The following PSMB2 variants were observed in gnomAD, a reference collection of about 807,000 sequenced individuals.
The protein encoded by PSMB2 is proteasome 20S subunit beta 2, also known as proteasome subunit beta type-2.
In PSMB2, 13 loss-of-function variants were observed where a neutral mutation model predicts 25.7. That is an observed-to-expected ratio of 0.51 (90% confidence interval 0.33 to 0.80). The LOEUF is 0.80. Among genes scored for constraint, PSMB2 ranks in the 30% least tolerant of loss-of-function variants. The pLI, the probability that PSMB2 is intolerant of heterozygous loss-of-function variation, is 0.02. For synonymous variants in PSMB2, 87 were observed against 96.2 expected (o/e 0.90, Z 0.56); for missense variants, 202 against 259.0 (o/e 0.78, Z 1.51).
chr1:35,630,325 A>G (rs1651053338), intron 3 of PSMB2, among the ~76,000 whole-genome samples: 1 of 152,250 alleles, frequency 6.6e-6, no homozygotes, highest in Admixed American at 6.5e-5. Flanking sequence ...TATATGATCC[A>G]GCAATCACAC....
chr1:35,615,024 G>A (rs1264199674), intron 3 of PSMB2, among the ~76,000 whole-genome samples: 1 of 152,184 alleles, frequency 6.6e-6, no homozygotes, highest in Non-Finnish European at 1.5e-5. Context: ...GTAAGGTTTA[G>A]ATAAATACAT....
intron 3 of PSMB2, among the ~76,000 whole-genome samples, chr1:35,612,126 T>C (rs1022082117): frequency 6.6e-6 from 1 of 152,200 alleles, no homozygotes; most frequent in African/African-American, 2.4e-5. Context: ...GAGAAATAAG[T>C]TGACCAGCAG....
intron 3 of PSMB2, among the ~76,000 whole-genome samples, chr1:35,628,622 TATATATA>T (rs1289956313): frequency 2.2e-4 from 11 of 50,956 alleles, no homozygotes; most frequent in South Asian, 1.4e-3. Flanking sequence ...TATATATATA[TATATATA>T]TATTTTTTTT....
At chr1:35,611,801 T>G (rs1405843144) in intron 3 of PSMB2, among the ~76,000 whole-genome samples, 3 of 151,184 alleles carry the variant, frequency 2.0e-5, no homozygotes, top group Non-Finnish European at 4.4e-5. Context: ...CACTCCAGCC[T>G]GGGCAATAGA....
chr1:35,632,909 AAATAAT>A (rs1049537847), intron 2 of PSMB2, among the ~76,000 whole-genome samples: 4 of 151,328 alleles, frequency 2.6e-5, no homozygotes, highest in African/African-American at 9.7e-5. Context: ...ACAACAACAA[AAATAAT>A]AATAATAATT....
At chr1:35,610,024 T>C (rs1421859105) in intron 3 of PSMB2, among the ~76,000 whole-genome samples, 1 of 152,222 alleles carries the variant, frequency 6.6e-6, no homozygotes, top group African/African-American at 2.4e-5. Context: ...CGAACAATTC[T>C]GAGAATGCCA....
intron 1 of PSMB2, among the ~76,000 whole-genome samples, chr1:35,637,175 C>T (rs1224630735): frequency 1.3e-5 from 2 of 152,100 alleles, no homozygotes; most frequent in African/African-American, 2.4e-5. Flanking sequence ...TATATTTATA[C>T]ACATACAAAA....
chr1:35,599,964 C>T lies in PSMB2; in HGVS notation c.*3303G>A. The T allele has an allele frequency of 1.4e-6, 1 of 713,272 alleles. No individual in the cohort carries two copies. The highest frequency in any genetic ancestry group is 1.7e-6 in the Non-Finnish European group (1 of 581,850). The allele number at this position is 713,272 out of a possible 1,614,324, so 44.2% of individuals were successfully genotyped here. A position where few individuals can be genotyped will look rare whatever the true frequency, so the allele number is the denominator to read the frequency against. ...CCTAGGCAACATGGCGAGACCCTGTCTCTACAAAAAATTTTGACAAAATTA... is the reference window on the plus strand; with the variant it reads ...CCTAGGCAACATGGCGAGACCCTGTTTCTACAAAAAATTTTGACAAAATTA... On this transcript the variant is annotated 3_prime_UTR_variant, in exon 6 of 6. Transcript: ENST00000373237.
chr1:35,607,729 TG>T (rs1258922408), intron 4 of PSMB2, among the ~76,000 whole-genome samples: 1 of 152,144 alleles, frequency 6.6e-6, no homozygotes, highest in African/African-American at 2.4e-5. Context: ...ATTATATCAC[TG>T]GGGAAATATT....
At chr1:35,609,842 C>T (rs572925210) in intron 3 of PSMB2, among the ~76,000 whole-genome samples, 1 of 152,224 alleles carries the variant, frequency 6.6e-6, no homozygotes, top group East Asian at 1.9e-4. Context: ...ACCCCATTTA[C>T]CCTGATGTGA....
At chr1:35,624,313 A>G (rs1438441372) in intron 3 of PSMB2, among the ~76,000 whole-genome samples, 1 of 152,212 alleles carries the variant, frequency 6.6e-6, no homozygotes, top group Non-Finnish European at 1.5e-5. Flanking sequence ...ACTAACTCAC[A>G]GCAGAGCTAG....
chr1:35,604,582 C>A (rs1313427801), intron 5 of PSMB2, among the ~76,000 whole-genome samples: 1 of 152,116 alleles, frequency 6.6e-6, no homozygotes, highest in Non-Finnish European at 1.5e-5. Flanking sequence ...GAGTTCAAGA[C>A]CAGCCTGGCC....
rs1650267459 is a variant in PSMB2, at chr1:35,609,401, T to TATG, written c.290_292dup (p.Pro97_Tyr98insSer). On this transcript the variant is annotated inframe_insertion, in exon 4 of 6. Transcript: ENST00000373237. The stretch of plus-strand genomic sequence containing the variant: ...GCCAGCCAGGAGGAGGTTCACATGA[T>TATG]ATGGGGTCTGCAAAGAAAAGATATG... 2 of 1,548,436 alleles carry TATG rather than the reference T, an allele frequency of 1.3e-6. No individual in the cohort carries two copies. Among genetic ancestry groups the TATG allele is most frequent in the African/African-American group, 2.8e-5 (2 of 72,172 alleles).
At chr1:35,622,653 G>A (rs1380430141) in intron 3 of PSMB2, among the ~76,000 whole-genome samples, 3 of 151,814 alleles carry the variant, frequency 2.0e-5, no homozygotes, top group African/African-American at 7.3e-5. Context: ...CTCTGGGCTC[G>A]CAGCAGGCAT....
chr1:35,619,429 G>C (rs1650609917), intron 3 of PSMB2, among the ~76,000 whole-genome samples: 5 of 152,276 alleles, frequency 3.3e-5, no homozygotes, highest in African/African-American at 1.2e-4. Context: ...TTACAGTTGT[G>C]TTACTTGAGA....
intron 2 of PSMB2, among the ~76,000 whole-genome samples, chr1:35,634,993 C>T (rs1651205098): frequency 6.6e-6 from 1 of 152,114 alleles, no homozygotes; most frequent in Admixed American, 6.6e-5. Flanking sequence ...GGCGTGGTGG[C>T]TCACACCTGT....
intron 3 of PSMB2, among the ~76,000 whole-genome samples, chr1:35,612,412 A>C (rs1341510193): frequency 6.6e-6 from 1 of 152,178 alleles, no homozygotes; most frequent in Non-Finnish European, 1.5e-5. Flanking sequence ...AAAAGATGCT[A>C]CCAAAATTCC....
intron 3 of PSMB2, among the ~76,000 whole-genome samples, chr1:35,610,649 C>G (rs1404171305): frequency 6.6e-6 from 1 of 152,122 alleles, no homozygotes; most frequent in African/African-American, 2.4e-5. Context: ...GCGCCCTCCA[C>G]CACACCCGGC....
chr1:35,641,417 C>G lies in PSMB2; in HGVS notation c.16G>C (p.Gly6Arg). The G allele has an allele frequency of 1.2e-6, 2 of 1,614,132 alleles. No homozygotes were observed. The highest frequency in any genetic ancestry group is 1.7e-6 in the Non-Finnish European group (2 of 1,180,034). Residue 6 changes from glycine to arginine, a missense_variant, in exon 1 of 6, where the codon GGT (glycine) becomes CGT (arginine). Coordinates refer to ENST00000373237, the MANE Select transcript of PSMB2 (RefSeq NM_002794.5). ...AGAACATAGTCGGGGCCTTGGATACCGATGAGGTACTCCATGGTGGCGGAA... is the reference window on the plus strand; with the variant it reads ...AGAACATAGTCGGGGCCTTGGATACGGATGAGGTACTCCATGGTGGCGGAA... MEYLI[G>R]IQGPDYVLVA...
Sources: gnomAD v4.1 joint callset for allele counts (sites outside exome capture counted in the v4.1 genomes callset) on GRCh38, gnomAD v4.1.1 for gene constraint, MANE v1.5 for transcripts, NCBI Gene and HGNC (gene_info 2026-07-23, HGNC 2026-07-21) for gene names.